SH3PXD2A: variants seen among roughly 807,000 people sequenced by gnomAD.
The protein encoded by SH3PXD2A is SH3 and PX domains 2A, also known as SH3 and PX domain-containing protein 2A.
SH3PXD2A carries 32 observed loss-of-function variants against 115.2 expected under a neutral mutation model. The observed-to-expected ratio is 0.28, with a 90% CI of 0.21 to 0.37. The LOEUF (loss-of-function observed/expected upper bound fraction) is 0.37. SH3PXD2A is among the 10% of genes least tolerant of loss of function. The probability of loss-of-function intolerance (pLI) is 1.00; values close to 1 mark genes in which losing one functional copy is unlikely to be tolerated. For missense variants in SH3PXD2A, 1,328 were observed against 1,498.7 expected, an observed-to-expected ratio of 0.89 and a Z score of 1.88; for synonymous variants, 610 against 629.1, an observed-to-expected ratio of 0.97 and a Z score of 0.45.
chr10:103,749,527 T>C (rs933203322), intron 3 of SH3PXD2A, among the ~76,000 whole-genome samples: 3 of 152,184 alleles, frequency 2.0e-5, no homozygotes, highest in Non-Finnish European at 4.4e-5. Context: ...CTGTCTTTCC[T>C]GCCTCCAATT....
chr10:103,795,938 G>A (rs1454545225), intron 2 of SH3PXD2A, among the ~76,000 whole-genome samples: 2 of 148,672 alleles, frequency 1.3e-5, no homozygotes, highest in African/African-American at 2.5e-5. Context: ...AAGGCAGGAA[G>A]GAAGGAAGGA....
intron 5 of SH3PXD2A, among the ~76,000 whole-genome samples, chr10:103,701,714 CATTT>C (rs2037910927): frequency 5.9e-5 from 8 of 135,836 alleles, no homozygotes; most frequent in African/African-American, 8.0e-5. Flanking sequence ...ATCCATCCAT[CATTT>C]ATCCATCCAT....
intron 1 of SH3PXD2A, among the ~76,000 whole-genome samples, chr10:103,833,015 C>A (rs2039497473): frequency 6.6e-6 from 1 of 152,164 alleles, no homozygotes; most frequent in Non-Finnish European, 1.5e-5. Context: ...GTAAGTGTTC[C>A]CACTTCCCCA....
At chr10:103,815,050 A>G (rs2039310525) in intron 1 of SH3PXD2A, among the ~76,000 whole-genome samples, 1 of 152,214 alleles carries the variant, frequency 6.6e-6, no homozygotes, top group Non-Finnish European at 1.5e-5. Flanking sequence ...ATCACACACA[A>G]AAATTAACTT....
In SH3PXD2A at chr10:103,807,940, C is replaced by T. The variant is rs184713014; in HGVS notation, c.73-6578G>A. Among the ~76,000 whole-genome samples the T allele has an allele frequency of 3.6e-4, 55 of 152,324 alleles. No individual in the cohort carries two copies. The East Asian group carries it at 6.6e-3, about 18-fold the overall frequency. ...GCTTCCTGGTGGAGTTCATCATTGT[C>T]AGGCTCTTACCCAAGAAGATGCTGC... is the stretch of plus-strand genomic sequence containing the variant. On this transcript the variant is annotated intron_variant, in intron 1 of 14. Transcript: ENST00000369774.
At chr10:103,824,025 G>C (rs2039405826) in intron 1 of SH3PXD2A, among the ~76,000 whole-genome samples, 1 of 152,172 alleles carries the variant, frequency 6.6e-6, no homozygotes. Flanking sequence ...CCAGCTGACG[G>C]CCACTCCCCA....
intron 10 of SH3PXD2A, among the ~76,000 whole-genome samples, chr10:103,621,305 T>C (rs1453375006): frequency 1.3e-5 from 2 of 152,190 alleles, no homozygotes; most frequent in African/African-American, 4.8e-5. Flanking sequence ...TGGCCATTGC[T>C]CTATGTCCAG....
At chr10:103,848,431 G>A (rs1346361770) in intron 1 of SH3PXD2A, among the ~76,000 whole-genome samples, 2 of 152,178 alleles carry the variant, frequency 1.3e-5, no homozygotes, top group South Asian at 2.1e-4. Flanking sequence ...CCCACCGGGA[G>A]GACCTCAAAG....
chr10:103,669,094 T>C (rs1201864837), intron 6 of SH3PXD2A, among the ~76,000 whole-genome samples: 1 of 152,154 alleles, frequency 6.6e-6, no homozygotes, highest in Non-Finnish European at 1.5e-5. Context: ...ACCTCAAATG[T>C]CAGGGTTGGA....
intron 8 of SH3PXD2A, among the ~76,000 whole-genome samples, chr10:103,639,980 AG>A (rs1249511638): frequency 6.6e-6 from 1 of 152,168 alleles, no homozygotes; most frequent in African/African-American, 2.4e-5. Flanking sequence ...GGGAACAAAA[AG>A]GGTGTTTTCC....
At chr10:103,822,547 T>TGGC (rs1554927389) in intron 1 of SH3PXD2A, among the ~76,000 whole-genome samples, 2 of 152,074 alleles carry the variant, frequency 1.3e-5, no homozygotes, top group African/African-American at 4.8e-5. Context: ...GAGGGCATGG[T>TGGC]GGGGGGGGAG....
At chr10:103,682,205 CT>C (rs2037618774) in intron 6 of SH3PXD2A, among the ~76,000 whole-genome samples, 1 of 152,234 alleles carries the variant, frequency 6.6e-6, no homozygotes, top group South Asian at 2.1e-4. Context: ...TGCCACGCCC[CT>C]GCCCCCTCCC....
Position 103,667,164 on chromosome 10 carries a change from G to A in SH3PXD2A, c.472+1444C>T, listed in dbSNP as rs11191760. Among the ~76,000 whole-genome samples the A allele has an allele frequency of 6.3e-3, 961 of 152,268 alleles. 50 individuals are homozygous for A. In the East Asian group the frequency reaches 0.14, roughly 22 times the overall value. On this transcript the variant is annotated intron_variant, in intron 7 of 14. Transcript: ENST00000369774. ...CCAGAGAGACTCTGGCCCTGGACTC[G>A]CAGTCTGGCTGGGTTTTCCCCCAGC...
chr10:103,775,620 G>A (rs2038870027), intron 2 of SH3PXD2A, among the ~76,000 whole-genome samples: 1 of 152,218 alleles, frequency 6.6e-6, no homozygotes, highest in South Asian at 2.1e-4. Flanking sequence ...TGGGATGGGA[G>A]TGATTTGCCT....
intron 1 of SH3PXD2A, among the ~76,000 whole-genome samples, chr10:103,848,137 C>T (rs940535793): frequency 1.3e-5 from 2 of 152,120 alleles, no homozygotes; most frequent in Non-Finnish European, 2.9e-5. Context: ...CCACCTGAAA[C>T]GCTGCTGCAT....
rs193136321 is a variant in SH3PXD2A, at chr10:103,595,157, G to A, written c.*6659C>T. 6.7e-4 allele frequency: 102 copies of A among 152,304 alleles called. No individual in the cohort carries two copies. The highest frequency in any genetic ancestry group is 2.3e-3 in the African/African-American group (97 of 41,558). The allele number at this position is 152,304 out of a possible 1,614,324, so 9.4% of individuals were successfully genotyped here. Reference sequence around the variant, plus strand: ...ACTTCTCTCTGCTAAGTAAATCAATGACCATTCATTGAGAACTGATGGGGA... The same window carrying A: ...ACTTCTCTCTGCTAAGTAAATCAATAACCATTCATTGAGAACTGATGGGGA... On this transcript the variant is annotated 3_prime_UTR_variant, in exon 15 of 15. Coordinates refer to ENST00000369774, the MANE Select transcript of SH3PXD2A (RefSeq NM_001394015.1).
chr10:103,702,602 T>TGTG (rs1163801765), intron 5 of SH3PXD2A, among the ~76,000 whole-genome samples: 1 of 151,394 alleles, frequency 6.6e-6, no homozygotes, highest in Non-Finnish European at 1.5e-5. Context: ...TGTGCGTGTG[T>TGTG]GTGTGTGTGT....
intron 1 of SH3PXD2A, among the ~76,000 whole-genome samples, chr10:103,832,217 C>T (rs373405379): frequency 6.6e-6 from 1 of 152,096 alleles, no homozygotes; most frequent in South Asian, 2.1e-4. Context: ...GTTCCTGTAA[C>T]TTAACCTATC....
intron 1 of SH3PXD2A, among the ~76,000 whole-genome samples, chr10:103,809,702 T>C (rs568753386): frequency 1.6e-5 from 2 of 126,150 alleles, no homozygotes; most frequent in South Asian, 5.5e-4. Flanking sequence ...TTCCTTCTTT[T>C]GAGAGAGAGT....
Sources: gnomAD v4.1 joint callset for allele counts (sites outside exome capture counted in the v4.1 genomes callset) on GRCh38, gnomAD v4.1.1 for gene constraint, MANE v1.5 for transcripts, NCBI Gene and HGNC (gene_info 2026-07-23, HGNC 2026-07-21) for gene names.